The following NKAIN2 variants were observed in gnomAD, a reference collection of about 807,000 sequenced individuals.
The protein encoded by NKAIN2 is sodium/potassium-transporting ATPase subunit beta-1-interacting protein 2.
In NKAIN2, 14 loss-of-function variants were observed where a neutral mutation model predicts 32.6. The observed-to-expected ratio is 0.43, with a 90% CI of 0.28 to 0.67. The LOEUF (loss-of-function observed/expected upper bound fraction) is 0.67. Among genes scored for constraint, NKAIN2 ranks in the 30% least tolerant of loss-of-function variants. NKAIN2 has a pLI of 0.17. For synonymous variants in NKAIN2, 80 were observed against 87.2 expected, an observed-to-expected ratio of 0.92 and a Z score of 0.46; for missense variants, 198 against 258.3, an observed-to-expected ratio of 0.77 and a Z score of 1.60.
intron 3 of NKAIN2, among the ~76,000 whole-genome samples, chr6:124,646,097 C>T (rs1784156583): frequency 6.6e-6 from 1 of 152,044 alleles, no homozygotes; most frequent in Admixed American, 6.6e-5. Context: ...TGTTTATAGA[C>T]AATAATTGTT....
chr6:124,760,242 G>A (rs1778196850), intron 4 of NKAIN2, among the ~76,000 whole-genome samples: 1 of 151,870 alleles, frequency 6.6e-6, no homozygotes, highest in Non-Finnish European at 1.5e-5. Context: ...AGACACTGGC[G>A]TCTACTTGAA....
intron 4 of NKAIN2, among the ~76,000 whole-genome samples, chr6:124,757,713 C>T (rs1219740170): frequency 6.6e-6 from 1 of 152,152 alleles, no homozygotes; most frequent in African/African-American, 2.4e-5. Context: ...CTTCCTGAGA[C>T]ATGTATGTTT....
chr6:123,832,389 G>C (rs1774424248), intron 1 of NKAIN2, among the ~76,000 whole-genome samples: 1 of 152,166 alleles, frequency 6.6e-6, no homozygotes, highest in African/African-American at 2.4e-5. Flanking sequence ...GGACATCTCA[G>C]TTGCTCTCAT....
rs148436344 is a variant in NKAIN2, at chr6:124,385,270, A to G, written c.273+29923A>G. Among the ~76,000 whole-genome samples the G allele has an allele frequency of 1.4e-3, 206 of 152,250 alleles. 1 individual carries two copies. The highest frequency in any genetic ancestry group is 4.8e-3 in the African/African-American group (198 of 41,562). Reference sequence around the variant, plus strand: ...ATCAGCAGGACTGGGCATGTCAGGGAGATGGACGAGGTGCCTTGAGAAGCT... The same window carrying G: ...ATCAGCAGGACTGGGCATGTCAGGGGGATGGACGAGGTGCCTTGAGAAGCT... On this transcript the variant is annotated intron_variant, in intron 3 of 6. Transcript: ENST00000368417.
intron 4 of NKAIN2, among the ~76,000 whole-genome samples, chr6:124,686,088 T>G (rs1773862470): frequency 6.6e-6 from 1 of 152,118 alleles, no homozygotes; most frequent in Non-Finnish European, 1.5e-5. Flanking sequence ...GGCTTTGGTT[T>G]CTGGTTGGCT....
At chr6:124,050,331 C>T (rs1782345219) in intron 1 of NKAIN2, among the ~76,000 whole-genome samples, 1 of 151,898 alleles carries the variant, frequency 6.6e-6, no homozygotes, top group African/African-American at 2.4e-5. Flanking sequence ...CTGGTCAAAG[C>T]GTTGGAGGTG....
intron 4 of NKAIN2, among the ~76,000 whole-genome samples, chr6:124,713,863 A>ATGT (rs914748452): frequency 8.5e-5 from 13 of 152,222 alleles, no homozygotes; most frequent in African/African-American, 2.9e-4. Flanking sequence ...ATTCAAGGAA[A>ATGT]TGTTGTCTGG....
rs534778256 is a variant in NKAIN2 at position 123,957,056 on chromosome 6, C to T, written c.54+152802C>T. Among the ~76,000 whole-genome samples the T allele has an allele frequency of 1.1e-3, 165 of 152,128 alleles. 1 individual carries two copies. Among genetic ancestry groups the T allele is most frequent in the African/African-American group, 3.8e-3 (156 of 41,498 alleles). ...CCTAGTACCCATTAGTTATTTCTCC[C>T]GATCTTCTCCATCATCATCCTCCAC... On this transcript the variant is annotated intron_variant, in intron 1 of 6. Transcript: ENST00000368417.
Position 124,369,880 on chromosome 6 carries a change from ATT to A in NKAIN2, c.273+14550_273+14551del, listed in dbSNP as rs61588781. ...ATTTGCTTTAGAGGGCAGAATGTCA[ATT>A]TTTTTTTTTTTTTTTTAACCTGTGG... On this transcript the variant is annotated intron_variant, in intron 3 of 6. Coordinates refer to ENST00000368417, the MANE Select transcript of NKAIN2 (RefSeq NM_001040214.3). 3.5e-4 allele frequency among the ~76,000 whole-genome samples: 29 copies of A among 82,366 alleles called. 1 individual carries two copies. Among genetic ancestry groups the A allele is most frequent in the Admixed American group, 1.1e-3 (6 of 5,636 alleles). The allele number at this position is 82,366 out of a possible 152,430, so 54.0% of individuals were successfully genotyped here.
At chr6:124,810,414 G>A (rs933609337) in intron 5 of NKAIN2, among the ~76,000 whole-genome samples, 36 of 151,926 alleles carry the variant, frequency 2.4e-4, no homozygotes, top group Non-Finnish European at 4.9e-4. Context: ...ATTCTCATTC[G>A]TAGGTGGGAA....
At chr6:124,358,805 T>G (rs1425851116) in intron 3 of NKAIN2, among the ~76,000 whole-genome samples, 1 of 151,714 alleles carries the variant, frequency 6.6e-6, no homozygotes, top group East Asian at 1.9e-4. Context: ...TTTTGGCTTT[T>G]GTTGCCATTG....
intron 4 of NKAIN2, among the ~76,000 whole-genome samples, chr6:124,760,493 A>G (rs967604500): frequency 1.3e-5 from 2 of 151,932 alleles, no homozygotes; most frequent in African/African-American, 4.8e-5. Context: ...AATAAATTTA[A>G]AAAAAGCTTC....
At chr6:124,185,969 A>C (rs949694514) in intron 1 of NKAIN2, among the ~76,000 whole-genome samples, 2 of 151,832 alleles carry the variant, frequency 1.3e-5, no homozygotes, top group African/African-American at 2.4e-5. Context: ...TTTGCTTGTT[A>C]CCCAAAATAG....
chr6:124,147,758 A>G (rs1456070981), intron 1 of NKAIN2, among the ~76,000 whole-genome samples: 1 of 152,186 alleles, frequency 6.6e-6, no homozygotes, highest in Admixed American at 6.5e-5. Flanking sequence ...TTTTGCCTCC[A>G]CAAGCTACTT....
chr6:124,522,094 T>C (rs74931869), intron 3 of NKAIN2, among the ~76,000 whole-genome samples: 2,043 of 152,296 alleles, frequency 0.013, 49 homozygotes, highest in African/African-American at 0.047. Flanking sequence ...ATTCACTTGC[T>C]TGTGATGGTT....
At chr6:124,676,583 G>A (rs771520167) in intron 4 of NKAIN2, among the ~76,000 whole-genome samples, 3 of 151,788 alleles carry the variant, frequency 2.0e-5, no homozygotes, top group Non-Finnish European at 4.4e-5. Flanking sequence ...GTCCTTCTTT[G>A]TCTCTTGTGA....
At chr6:124,122,025 C>A in intron 1 of NKAIN2, 1 of 254,558 alleles carries the variant, frequency 3.9e-6, no homozygotes, top group Non-Finnish European at 7.0e-6. Context: ...CATCAGTGTT[C>A]ATGTTTCACT....
intron 1 of NKAIN2, among the ~76,000 whole-genome samples, chr6:123,809,699 C>T (rs748769695): frequency 5.9e-5 from 9 of 152,086 alleles, no homozygotes; most frequent in Non-Finnish European, 1.0e-4. Context: ...CTTCATCTTC[C>T]TGAAATAAGT....
intron 2 of NKAIN2, among the ~76,000 whole-genome samples, chr6:124,344,300 C>G (rs62434712): frequency 0.093 from 14,109 of 151,688 alleles, 938 homozygotes; most frequent in African/African-American, 0.18. Flanking sequence ...GCTTAGGATT[C>G]ACTTGGTGAT....
Sources: gnomAD v4.1 joint callset for allele counts (sites outside exome capture counted in the v4.1 genomes callset) on GRCh38, gnomAD v4.1.1 for gene constraint, MANE v1.5 for transcripts, NCBI Gene and HGNC (gene_info 2026-07-23, HGNC 2026-07-21) for gene names.